NYAP2: variants seen among roughly 807,000 people sequenced by gnomAD.
NYAP2 encodes neuronal tyrosine-phosphorylated phosphoinositide-3-kinase adapter 2.
NYAP2 carries 23 observed loss-of-function variants against 50.4 expected under a neutral mutation model. The observed-to-expected ratio is 0.46, with a 90% CI of 0.33 to 0.65. The LOEUF (loss-of-function observed/expected upper bound fraction) is 0.65, where lower values mean the gene tolerates loss of function less well. Ranked by LOEUF, NYAP2 falls within the 30% of genes least tolerant of loss-of-function variation. NYAP2 has a pLI of 0.02. For missense variants in NYAP2, 885 were observed against 861.0 expected, an observed-to-expected ratio of 1.03 and a Z score of -0.35; for synonymous variants, 394 against 365.2, an observed-to-expected ratio of 1.08 and a Z score of -0.90.
At chr2:225,492,967 C>T (rs1398761332) in intron 3 of NYAP2, among the ~76,000 whole-genome samples, 2 of 151,876 alleles carry the variant, frequency 1.3e-5, no homozygotes, top group Admixed American at 6.6e-5. Context: ...GTGTGCTCTG[C>T]TGACATAATA....
the NYAP2 span, among the ~76,000 whole-genome samples, chr2:225,678,284 G>A: frequency 2.6e-5 from 4 of 151,920 alleles, no homozygotes; most frequent in Non-Finnish European, 5.9e-5. Context: ...TTCTGATTGC[G>A]TTTATTTGAA....
chr2:225,427,585 G>A (rs1020596477), intron 3 of NYAP2, among the ~76,000 whole-genome samples: 2 of 152,106 alleles, frequency 1.3e-5, no homozygotes, highest in African/African-American at 4.8e-5. Flanking sequence ...AAGTCCCTGT[G>A]GCTCCTTCAG....
In NYAP2 at chr2:225,630,577, AG is replaced by A. The variant is rs918639013; in HGVS notation, c.1828+3454del. Among the ~76,000 whole-genome samples, 4 of 152,058 alleles carry A rather than the reference AG, an allele frequency of 2.6e-5. No homozygotes were observed. The East Asian group carries it at 7.7e-4, about 29-fold the overall frequency. On this transcript the variant is annotated intron_variant, in intron 6 of 6. Coordinates refer to ENST00000636099, the Ensembl canonical transcript of NYAP2. Reference sequence around the variant, plus strand: ...AGAGAACCCTTTTTCCCCTAAAGCAAGGGTCCTTTGCCTTCCATCTGGAAAT... The same window carrying A: ...AGAGAACCCTTTTTCCCCTAAAGCAAGGTCCTTTGCCTTCCATCTGGAAAT...
intron 3 of NYAP2, among the ~76,000 whole-genome samples, chr2:225,420,093 T>C (rs973501255): frequency 2.0e-5 from 3 of 152,240 alleles, no homozygotes; most frequent in African/African-American, 7.2e-5. Context: ...CTCTTGTGCA[T>C]AGTAGGTTAT....
chr2:225,661,110 T>C, the NYAP2 span, among the ~76,000 whole-genome samples: 2 of 152,230 alleles, frequency 1.3e-5, no homozygotes, highest in Non-Finnish European at 2.9e-5. Flanking sequence ...TGATTTCTTT[T>C]GTTTTCCATT....
At chr2:225,645,844 A>G (rs969345765) in intron 6 of NYAP2, among the ~76,000 whole-genome samples, 8 of 152,184 alleles carry the variant, frequency 5.3e-5, no homozygotes, top group Non-Finnish European at 1.0e-4. Context: ...TTCAAGTCTC[A>G]AAGAGCATTG....
Position 225,651,466 on chromosome 2 carries a change from G to A in NYAP2, c.1863G>A (p.Ala621=), listed in dbSNP as rs192342432. The change falls in exon 7 of 7, where the codon GCG becomes GCA. Residue 621 remains alanine, a synonymous_variant. Coordinates refer to ENST00000636099, the Ensembl canonical transcript of NYAP2. Reference sequence around the variant, plus strand: ...TAAGCTGCAAATTAGGCCGGTCTGCGTCGACGTCAGGTGTGCCTCCTCCAT... The same window carrying A: ...TAAGCTGCAAATTAGGCCGGTCTGCATCGACGTCAGGTGTGCCTCCTCCAT... 1.2e-4 allele frequency: 188 copies of A among 1,613,950 alleles called. No individual in the cohort carries two copies. The East Asian group carries it at 1.2e-3, about 11-fold the overall frequency.
chr2:225,640,985 C>G (rs1020941659), intron 6 of NYAP2, among the ~76,000 whole-genome samples: 7 of 152,136 alleles, frequency 4.6e-5, no homozygotes, highest in Non-Finnish European at 1.0e-4. Context: ...AGGTAGAAAC[C>G]ATTGGGATGA....
chr2:225,410,125 A>G lies in NYAP2; in HGVS notation c.221+1024A>G, dbSNP rs149756640. On this transcript the variant is annotated intron_variant, in intron 3 of 6. Coordinates refer to ENST00000636099, the Ensembl canonical transcript of NYAP2. ...AGCTAGGTGAGATCACACTACTCCA[A>G]TAACTTAATTAAAAATAACTTTATG... Among the ~76,000 whole-genome samples, 789 of 152,254 alleles carry G rather than the reference A, an allele frequency of 5.2e-3. 14 individuals are homozygous for G. The highest frequency in any genetic ancestry group is 0.039 in the Admixed American group (589 of 15,268).
chr2:225,524,857 C>A (rs1204531084), intron 4 of NYAP2, among the ~76,000 whole-genome samples: 2 of 152,102 alleles, frequency 1.3e-5, no homozygotes, highest in African/African-American at 4.8e-5. Flanking sequence ...GGCTTAATAT[C>A]CAGAATCTAT....
intron 3 of NYAP2, among the ~76,000 whole-genome samples, chr2:225,448,200 G>C (rs933492925): frequency 6.6e-6 from 1 of 152,170 alleles, no homozygotes; most frequent in African/African-American, 2.4e-5. Flanking sequence ...AAGTGGAGGA[G>C]TTGGAATCTT....
At chr2:225,561,518 C>G (rs1189820153) in intron 4 of NYAP2, among the ~76,000 whole-genome samples, 1 of 152,088 alleles carries the variant, frequency 6.6e-6, no homozygotes, top group Non-Finnish European at 1.5e-5. Context: ...TCATTCAACA[C>G]ATATTTTAAA....
At chr2:225,505,814 T>C (rs1268905843) in intron 3 of NYAP2, among the ~76,000 whole-genome samples, 3 of 152,224 alleles carry the variant, frequency 2.0e-5, no homozygotes. Flanking sequence ...TTATTCTAGC[T>C]GCAGACATAG....
intron 3 of NYAP2, among the ~76,000 whole-genome samples, chr2:225,475,277 AC>A (rs772587677): frequency 3.8e-4 from 58 of 152,296 alleles, no homozygotes; most frequent in Non-Finnish European, 6.8e-4. Flanking sequence ...CTTTTGCTAA[AC>A]CATACCAAAC....
intron 5 of NYAP2, among the ~76,000 whole-genome samples, chr2:225,622,539 TTCTTTCTTTCTTTCTTTCTTTTTC>T (rs1559232844): frequency 0.029 from 1,441 of 50,236 alleles, 27 homozygotes; most frequent in African/African-American, 0.094. Context: ...CTTTCTTTCT[TTCTTTCTTTCTTTCTTTCTTTTTC>T]TTTCTTTCTT....
chr2:225,593,240 A>T (rs1235746771), intron 5 of NYAP2, among the ~76,000 whole-genome samples: 1 of 152,174 alleles, frequency 6.6e-6, no homozygotes, highest in Admixed American at 6.5e-5. Flanking sequence ...GTTTCCATTA[A>T]CAAGCTTTGA....
chr2:225,455,409 G>A (rs750529090), intron 3 of NYAP2, among the ~76,000 whole-genome samples: 4 of 152,116 alleles, frequency 2.6e-5, no homozygotes, highest in Admixed American at 6.5e-5. Flanking sequence ...TATCCACTAC[G>A]TACAATATAC....
At chr2:225,405,020 T>C (rs1249285147) in intron 2 of NYAP2, among the ~76,000 whole-genome samples, 1 of 152,070 alleles carries the variant, frequency 6.6e-6, no homozygotes, top group Admixed American at 6.6e-5. Context: ...ACATTGTGCA[T>C]TGCAAAGAGA....
At chr2:225,611,476 C>G (rs925830254) in intron 5 of NYAP2, among the ~76,000 whole-genome samples, 3 of 152,110 alleles carry the variant, frequency 2.0e-5, no homozygotes, top group Non-Finnish European at 4.4e-5. Context: ...ATCTTCCCCT[C>G]TTCCAACTTG....
Sources: allele counts gnomAD v4.1 joint callset (sites outside exome capture counted in the v4.1 genomes callset), GRCh38; gene constraint gnomAD v4.1.1; transcripts MANE v1.5; gene names NCBI Gene and HGNC (gene_info 2026-07-23, HGNC 2026-07-21).